The following METTL16 variants were observed in gnomAD, a reference collection of about 807,000 sequenced individuals.
The protein encoded by METTL16 is RNA N(6)-adenosine-methyltransferase METTL16.
Under a neutral mutation model 57.9 loss-of-function variants are expected in METTL16, and 19 were observed. The observed-to-expected ratio is 0.33, with a 90% CI of 0.23 to 0.48. The LOEUF is 0.48. Ranked by LOEUF, METTL16 falls within the 20% of genes least tolerant of loss-of-function variation. METTL16 has a pLI of 0.99. For synonymous variants in METTL16, 246 were observed against 255.6 expected (o/e 0.96, Z 0.36); for missense variants, 434 against 691.5 (o/e 0.63, Z 4.18).
intron 8 of METTL16, among the ~76,000 whole-genome samples, chr17:2,425,702 T>TG (rs1367380130): frequency 6.6e-6 from 1 of 152,088 alleles, no homozygotes; most frequent in African/African-American, 2.4e-5. Context: ...TCTTTTTTTT[T>TG]TTGAGACAGG....
At chr17:2,506,373 T>C (rs1043829782) in intron 1 of METTL16, among the ~76,000 whole-genome samples, 15 of 151,166 alleles carry the variant, frequency 9.9e-5, no homozygotes, top group African/African-American at 3.4e-4. Flanking sequence ...CTCGGCTCAC[T>C]GCAACCTCCC....
intron 1 of METTL16, among the ~76,000 whole-genome samples, 182 bp from the exon 2 acceptor site, chr17:2,502,513 C>T (rs1161898326): frequency 2.0e-5 from 3 of 152,072 alleles, no homozygotes; most frequent in Non-Finnish European, 4.4e-5. Flanking sequence ...AAGCCCGTCT[C>T]TACTAAAAAT....
intron 2 of METTL16, among the ~76,000 whole-genome samples, chr17:2,491,747 A>G (rs189466935): frequency 2.7e-5 from 4 of 146,442 alleles, no homozygotes; most frequent in African/African-American, 5.2e-5. Context: ...TGGTGGTGGG[A>G]GCCTGTAGTT....
chr17:2,481,036 C>G (rs886807988), intron 2 of METTL16, among the ~76,000 whole-genome samples: 1 of 152,010 alleles, frequency 6.6e-6, no homozygotes, highest in Non-Finnish European at 1.5e-5. Context: ...AACTCCATCT[C>G]TATCAAAAAT....
In METTL16 at chr17:2,428,527, C is replaced by CAAAAA. The variant is rs533793602; in HGVS notation, c.889-7628_889-7624dup. On this transcript the variant is annotated intron_variant, in intron 8 of 9. Coordinates refer to ENST00000263092, the MANE Select transcript of METTL16 (RefSeq NM_024086.4). ...CAGGCGACAGAGCGAGACTCCGTCT[C>CAAAAA]AAAAAAAAAAAAAAAAAAAAAAAAA... Among the ~76,000 whole-genome samples, 2 of 21,074 alleles carry CAAAAA rather than the reference C, an allele frequency of 9.5e-5. 1 individual carries two copies. The highest frequency in any genetic ancestry group is 1.7e-4 in the Non-Finnish European group (2 of 12,042). 13.8% of individuals were successfully genotyped at this position (21,074 alleles called of 152,430 possible).
At chr17:2,468,773 C>T (rs993494919) in intron 4 of METTL16, among the ~76,000 whole-genome samples, 2 of 152,192 alleles carry the variant, frequency 1.3e-5, no homozygotes, top group Admixed American at 6.5e-5. Context: ...CCTGTAATTC[C>T]AGCTACTTGG....
At chr17:2,432,182 C>T (rs1349058134) in intron 8 of METTL16, among the ~76,000 whole-genome samples, 7 of 152,184 alleles carry the variant, frequency 4.6e-5, no homozygotes, top group African/African-American at 1.7e-4. Flanking sequence ...GATCTCCTGA[C>T]CTCGTGATCC....
chr17:2,424,635 TACTATAGAAACTAGACATTAAGAGACAG>T (rs1216961888), intron 8 of METTL16, among the ~76,000 whole-genome samples: 1 of 152,042 alleles, frequency 6.6e-6, no homozygotes, highest in African/African-American at 2.4e-5. Context: ...GGCTTTGCTC[TACTATAGAAACTAGACATTAAGAGACAG>T]ACAGGCCAGG....
intron 8 of METTL16, among the ~76,000 whole-genome samples, chr17:2,429,811 G>A (rs2066856154): frequency 6.6e-6 from 1 of 151,590 alleles, no homozygotes; most frequent in Admixed American, 6.6e-5. Context: ...AGCTGCTGCT[G>A]CTTCTTTTTT....
intron 2 of METTL16, among the ~76,000 whole-genome samples, chr17:2,479,057 A>G (rs1327739473): frequency 6.6e-6 from 1 of 152,224 alleles, no homozygotes; most frequent in Non-Finnish European, 1.5e-5. Flanking sequence ...ACTTGTACCA[A>G]TATAACTATG....
At position 2,417,230 on chromosome 17, in the gene METTL16, A is replaced by G. The variant is rs1268472886; in HGVS notation, c.*2740T>C. 1 of 151,896 alleles carries G rather than the reference A, an allele frequency of 6.6e-6. No individual in the cohort carries two copies. The highest frequency in any genetic ancestry group is 2.4e-5 in the African/African-American group (1 of 41,218). The allele number at this position is 151,896 out of a possible 1,614,324, so 9.4% of individuals were successfully genotyped here. A position where few individuals can be genotyped will look rare whatever the true frequency, so the allele number is the denominator to read the frequency against. ...AGGCACGTGCTATCATGCCCGGCTA[A>G]TTTTTGTATTTTGAGTAGAGACGGG... On this transcript the variant is annotated 3_prime_UTR_variant, in exon 10 of 10. Coordinates refer to ENST00000263092, the MANE Select transcript of METTL16 (RefSeq NM_024086.4).
Position 2,450,262 on chromosome 17 carries a change from C to G in METTL16, c.729-8703G>C, listed in dbSNP as rs376073739. Among the ~76,000 whole-genome samples, 7 of 152,338 alleles carry G rather than the reference C, an allele frequency of 4.6e-5. No individual in the cohort carries two copies. The South Asian group carries it at 6.2e-4, about 14-fold the overall frequency. ...AAATGGATGAACGAACTGTGGTATA[C>G]TCAGCCTATTTAGCAACAAAAGGGA... On this transcript the variant is annotated intron_variant, in intron 6 of 9. Transcript: ENST00000263092.
At chr17:2,481,073 A>G (rs1222478227) in intron 2 of METTL16, among the ~76,000 whole-genome samples, 1 of 152,058 alleles carries the variant, frequency 6.6e-6, no homozygotes, top group East Asian at 1.9e-4. Flanking sequence ...GCATAGTGGC[A>G]CATGCACCTT....
At chr17:2,441,307 C>T (rs2066949871) in intron 7 of METTL16, among the ~76,000 whole-genome samples, 183 bp downstream of exon 7, 1 of 152,048 alleles carries the variant, frequency 6.6e-6, no homozygotes, top group African/African-American at 2.4e-5. Context: ...GAGTGGGAGA[C>T]CGGGTGACGG....
At position 2,417,459 on chromosome 17, in the gene METTL16, TGA is replaced by T. The variant is rs1567876655; in HGVS notation, c.*2509_*2510del. 1 of 152,148 alleles carries T rather than the reference TGA, an allele frequency of 6.6e-6. No homozygotes were observed. Among genetic ancestry groups the T allele is most frequent in the Admixed American group, 6.5e-5 (1 of 15,274 alleles). The allele number at this position is 152,148 out of a possible 1,614,324, so 9.4% of individuals were successfully genotyped here. On this transcript the variant is annotated 3_prime_UTR_variant, in exon 10 of 10. Transcript: ENST00000263092. The stretch of plus-strand genomic sequence containing the variant: ...CTTAAACCTAGGGACAGAAACACAC[TGA>T]GACACAGAAACACCTTCTGTGCTTC...
chr17:2,455,850 T>G (rs1270783971), intron 6 of METTL16, among the ~76,000 whole-genome samples: 2 of 152,022 alleles, frequency 1.3e-5, no homozygotes, highest in Admixed American at 6.5e-5. Context: ...AGGCATGGTG[T>G]TGTGCACGTA....
intron 1 of METTL16, among the ~76,000 whole-genome samples, chr17:2,511,282 C>T (rs1226006644): frequency 8.6e-5 from 13 of 151,552 alleles, no homozygotes; most frequent in Non-Finnish European, 1.6e-4. Context: ...ACCATTAACC[C>T]TCTTCAACTA....
chr17:2,460,865 G>A (rs1244765894), intron 6 of METTL16, among the ~76,000 whole-genome samples: 2 of 144,580 alleles, frequency 1.4e-5, no homozygotes, highest in Non-Finnish European at 3.0e-5. Flanking sequence ...AGCCTAGGCA[G>A]TAAGAGGGAA....
At chr17:2,500,697 C>A (rs9896219) in intron 2 of METTL16, among the ~76,000 whole-genome samples, 86,960 of 152,096 alleles carry the variant, frequency 0.57, 28,011 homozygotes, top group Non-Finnish European at 0.74. Context: ...CTCTGTAACT[C>A]GCAGAGTTGA....
Sources: gnomAD v4.1 joint callset for allele counts (sites outside exome capture counted in the v4.1 genomes callset) on GRCh38, gnomAD v4.1.1 for gene constraint, MANE v1.5 for transcripts, NCBI Gene and HGNC (gene_info 2026-07-23, HGNC 2026-07-21) for gene names.